RIMKLB: variants seen among roughly 807,000 people sequenced by gnomAD.
RIMKLB encodes the protein beta-citrylglutamate synthase B.
Under a neutral mutation model 32.0 loss-of-function variants are expected in RIMKLB, and 7 were observed. The observed-to-expected ratio is 0.22, with a 90% CI of 0.12 to 0.41. The LOEUF (loss-of-function observed/expected upper bound fraction) is 0.41. RIMKLB is among the 10% of genes least tolerant of loss of function. The pLI is 1.00. For synonymous variants in RIMKLB, 172 were observed against 185.1 expected (o/e 0.93, Z 0.57); for missense variants, 289 against 498.7 (o/e 0.58, Z 4.00).
chr12:8,696,705 T>C (rs965075421), upstream of RIMKLB, among the ~76,000 whole-genome samples: 5 of 152,216 alleles, frequency 3.3e-5, no homozygotes, highest in African/African-American at 9.7e-5. Context: ...TGGGTTATGC[T>C]ACATCTTTTA....
chr12:8,701,900 G>T (rs765203539), intron 1 of RIMKLB, among the ~76,000 whole-genome samples: 1 of 151,838 alleles, frequency 6.6e-6, no homozygotes, highest in African/African-American at 2.4e-5. Flanking sequence ...AGCTACTCGG[G>T]GGGGCTGAGG....
intron 5 of RIMKLB, among the ~76,000 whole-genome samples, chr12:8,771,378 G>A (rs1346166141): frequency 6.6e-6 from 1 of 152,094 alleles, no homozygotes; most frequent in Non-Finnish European, 1.5e-5. Flanking sequence ...GAGGACAGGG[G>A]AAGGTTAGAT....
intron 2 of RIMKLB, among the ~76,000 whole-genome samples, chr12:8,729,735 G>C (rs765440065): frequency 6.6e-6 from 1 of 152,020 alleles, no homozygotes; most frequent in Non-Finnish European, 1.5e-5. Flanking sequence ...CAAAGTACTA[G>C]AATTACAGGC....
intron 2 of RIMKLB, among the ~76,000 whole-genome samples, chr12:8,724,640 A>G (rs961912580): frequency 1.3e-5 from 2 of 152,174 alleles, no homozygotes; most frequent in Non-Finnish European, 2.9e-5. Context: ...GTCTAGCTTC[A>G]TAAGTGCTTC....
intron 5 of RIMKLB, among the ~76,000 whole-genome samples, chr12:8,771,554 TCTTA>T (rs1950397142): frequency 6.6e-6 from 1 of 152,202 alleles, no homozygotes; most frequent in African/African-American, 2.4e-5. Flanking sequence ...GAGATATAAT[TCTTA>T]TATTGTAAGA....
downstream of RIMKLB, chr12:8,777,201 T>A: frequency 1.0e-6 from 1 of 952,926 alleles, no homozygotes; most frequent in Non-Finnish European, 1.2e-6. Flanking sequence ...GTTCACTGAC[T>A]GCTTGCTTGC....
chr12:8,731,767 C>T (rs184003581), intron 2 of RIMKLB, among the ~76,000 whole-genome samples: 3 of 152,048 alleles, frequency 2.0e-5, no homozygotes, highest in African/African-American at 2.4e-5. Context: ...TGGATACCTG[C>T]GGATTTTTTT....
chr12:8,775,830 G>T lies in RIMKLB; in HGVS notation c.*2046G>T. The T allele has an allele frequency of 3.0e-6, 3 of 984,656 alleles. No homozygotes were observed. Among genetic ancestry groups the T allele is most frequent in the Non-Finnish European group, 3.6e-6 (3 of 829,232 alleles). The allele number at this position is 984,656 out of a possible 1,614,324, so 61.0% of individuals were successfully genotyped here. A position where few individuals can be genotyped will look rare whatever the true frequency, so the allele number is the denominator to read the frequency against. On this transcript the variant is annotated 3_prime_UTR_variant, in exon 6 of 6. Coordinates refer to ENST00000535829, the MANE Select transcript of RIMKLB (RefSeq NM_001297776.2). ...TAAGAGGAGTTTGTAATTTATCTTA[G>T]GATATTCTAATTGCATTTAAAAGAA...
intron 2 of RIMKLB, among the ~76,000 whole-genome samples, chr12:8,741,073 AG>A (rs1447036464): frequency 6.6e-6 from 1 of 152,084 alleles, no homozygotes; most frequent in Non-Finnish European, 1.5e-5. Flanking sequence ...TGGGTGTGGT[AG>A]TGTGTGCTGT....
intron 7 of RIMKLB, among the ~76,000 whole-genome samples, chr12:8,782,745 G>A (rs1951169257): frequency 6.6e-6 from 1 of 152,070 alleles, no homozygotes; most frequent in Non-Finnish European, 1.5e-5. Context: ...AGCTCACCAA[G>A]ACAAAGTGAT....
At chr12:8,691,546 G>A (rs1392129186) in intron 1 of RIMKLB, among the ~76,000 whole-genome samples, 1 of 152,246 alleles carries the variant, frequency 6.6e-6, no homozygotes, top group Admixed American at 6.5e-5. Context: ...GGAGGCAAAG[G>A]TTGGAGTAGA....
At chr12:8,711,826 T>A (rs1370457692) in intron 1 of RIMKLB, among the ~76,000 whole-genome samples, 1 of 152,198 alleles carries the variant, frequency 6.6e-6, no homozygotes, top group African/African-American at 2.4e-5. Context: ...GCTATAACTT[T>A]TTTCTAATGA....
chr12:8,761,229 G>A (rs1489827405), intron 5 of RIMKLB, among the ~76,000 whole-genome samples: 19 of 148,386 alleles, frequency 1.3e-4, no homozygotes, highest in African/African-American at 3.8e-4. Flanking sequence ...CTGTAAACCC[G>A]GTTAACTCAG....
chr12:8,739,773 T>A (rs1040624836), intron 2 of RIMKLB, among the ~76,000 whole-genome samples: 2 of 152,014 alleles, frequency 1.3e-5, no homozygotes, highest in African/African-American at 2.4e-5. Flanking sequence ...ACACTTGGCT[T>A]CTTGTCTCTT....
chr12:8,732,423 A>G (rs1946626698), intron 2 of RIMKLB, among the ~76,000 whole-genome samples: 2 of 152,142 alleles, frequency 1.3e-5, no homozygotes, highest in Non-Finnish European at 2.9e-5. Context: ...ACGCTTTCCT[A>G]TTCCATTTCT....
chr12:8,711,487 A>G (rs1221679245), intron 1 of RIMKLB, among the ~76,000 whole-genome samples: 1 of 152,156 alleles, frequency 6.6e-6, no homozygotes, highest in African/African-American at 2.4e-5. Context: ...GTTGGAAGTC[A>G]GTGACAGAGT....
In RIMKLB at chr12:8,762,518, C is replaced by G. The variant is rs572887510; in HGVS notation, c.697+8425C>G. Among the ~76,000 whole-genome samples the G allele has an allele frequency of 1.5e-3, 225 of 152,244 alleles. 5 individuals are homozygous for G. The South Asian group carries it at 0.027, about 19-fold the overall frequency. ...TTCTGATGACCCCGGCAGTTTAAGA[C>G]TGCCACCTCTTTAGGTTTCTGTACA... On this transcript the variant is annotated intron_variant, in intron 5 of 5. Transcript: ENST00000535829.
In RIMKLB at chr12:8,721,753, T is replaced by G. The variant is rs904711673; in HGVS notation, c.175+7712T>G. ...AATTATGAGTGTTTTTTGTTTTTTG[T>G]TTTTTTTTGAGATGGAGTCTGACTC... is the stretch of plus-strand genomic sequence containing the variant. On this transcript the variant is annotated intron_variant, in intron 2 of 5. Coordinates refer to ENST00000535829, the MANE Select transcript of RIMKLB (RefSeq NM_001297776.2). 4.7e-5 allele frequency among the ~76,000 whole-genome samples: 7 copies of G among 149,948 alleles called. No homozygotes were observed. In the East Asian group the frequency reaches 5.8e-4, roughly 12 times the overall value.
chr12:8,766,143 C>A (rs1403914267), intron 5 of RIMKLB, among the ~76,000 whole-genome samples: 2 of 152,030 alleles, frequency 1.3e-5, no homozygotes, highest in African/African-American at 4.8e-5. Context: ...ATGCCAGCAC[C>A]CCAAATCATT....
Sources: allele counts gnomAD v4.1 joint callset (sites outside exome capture counted in the v4.1 genomes callset), GRCh38; gene constraint gnomAD v4.1.1; transcripts MANE v1.5; gene names NCBI Gene and HGNC (gene_info 2026-07-23, HGNC 2026-07-21).